The following CADM2 variants were observed in gnomAD, a reference collection of about 807,000 sequenced individuals.
The protein encoded by CADM2 is immunoglobulin superfamily member 4D.
Under a neutral mutation model 49.8 loss-of-function variants are expected in CADM2, and 12 were observed. That is an observed-to-expected ratio of 0.24 (90% CI 0.15 to 0.39). The LOEUF is 0.39. Ranked by LOEUF, CADM2 falls within the 10% of genes least tolerant of loss-of-function variation. The pLI is 1.00. For synonymous variants in CADM2, 214 were observed against 175.4 expected, an observed-to-expected ratio of 1.22 and a Z score of -1.74; for missense variants, 378 against 492.3, an observed-to-expected ratio of 0.77 and a Z score of 2.20.
At chr3:85,388,337 T>C (rs986944696) in intron 1 of CADM2, among the ~76,000 whole-genome samples, 13 of 152,206 alleles carry the variant, frequency 8.5e-5, no homozygotes, top group African/African-American at 2.9e-4. Context: ...ATTAATTGTT[T>C]GGCCTGGGAT....
At chr3:85,194,585 G>A (rs2041292758) in intron 1 of CADM2, among the ~76,000 whole-genome samples, 1 of 151,968 alleles carries the variant, frequency 6.6e-6, no homozygotes, top group Admixed American at 6.6e-5. Flanking sequence ...GGAAAGACGT[G>A]AATAAAGAAT....
intron 1 of CADM2, among the ~76,000 whole-genome samples, chr3:85,451,541 G>A (rs945539863): frequency 6.6e-6 from 1 of 151,990 alleles, no homozygotes; most frequent in African/African-American, 2.4e-5. Context: ...TTTCCCTTAA[G>A]ATATTGGGAT....
chr3:85,394,352 T>C (rs1299195316), intron 1 of CADM2, among the ~76,000 whole-genome samples: 1 of 152,194 alleles, frequency 6.6e-6, no homozygotes, highest in Non-Finnish European at 1.5e-5. Context: ...TATGGGCTCC[T>C]GTTTCCATAA....
intron 1 of CADM2, among the ~76,000 whole-genome samples, chr3:85,681,106 C>T (rs1417838725): frequency 6.6e-6 from 1 of 152,084 alleles, no homozygotes; most frequent in Non-Finnish European, 1.5e-5. Context: ...CTCAGCATGT[C>T]ATGAAAAATT....
chr3:85,436,194 G>T (rs1300910419), intron 1 of CADM2, among the ~76,000 whole-genome samples: 1 of 152,054 alleles, frequency 6.6e-6, no homozygotes. Context: ...ATGGTGAATG[G>T]GAGTTCACTC....
chr3:85,446,609 T>TG (rs570109498), intron 1 of CADM2, among the ~76,000 whole-genome samples: 314 of 150,104 alleles, frequency 2.1e-3, no homozygotes, highest in Non-Finnish European at 3.5e-3. Context: ...TTTTTGTTTT[T>TG]TTTTTTTTTT....
chr3:86,019,850 C>A (rs1732879670), intron 8 of CADM2, among the ~76,000 whole-genome samples: 1 of 152,078 alleles, frequency 6.6e-6, no homozygotes, highest in African/African-American at 2.4e-5. Context: ...TTCCTCTTCT[C>A]CTAATTGAAT....
chr3:85,524,173 G>C (rs1464789938), intron 1 of CADM2, among the ~76,000 whole-genome samples: 1 of 151,980 alleles, frequency 6.6e-6, no homozygotes, highest in Non-Finnish European at 1.5e-5. Flanking sequence ...TTCCCAAAGA[G>C]GCAGCTTTTT....
intron 1 of CADM2, among the ~76,000 whole-genome samples, chr3:85,513,911 C>A (rs62250755): frequency 0.31 from 46,522 of 151,774 alleles, 8,119 homozygotes; most frequent in East Asian, 0.55. Context: ...ATGATATAAA[C>A]CCTTACCAGA....
intron 1 of CADM2, among the ~76,000 whole-genome samples, chr3:85,715,858 G>T (rs1005430189): frequency 6.6e-6 from 1 of 152,150 alleles, no homozygotes; most frequent in Non-Finnish European, 1.5e-5. Flanking sequence ...TAGCTGCATA[G>T]TATTCCATGG....
At chr3:85,954,839 T>G (rs1422907284) in intron 7 of CADM2, among the ~76,000 whole-genome samples, 1 of 151,314 alleles carries the variant, frequency 6.6e-6, no homozygotes, top group South Asian at 2.1e-4. Flanking sequence ...AATTTCTTAA[T>G]CAAAAAGTCT....
chr3:84,986,889 T>C (rs2032597530), intron 1 of CADM2, among the ~76,000 whole-genome samples: 1 of 151,390 alleles, frequency 6.6e-6, no homozygotes, highest in Non-Finnish European at 1.5e-5. Context: ...CCGTCTCTAC[T>C]AAAAATACAA....
chr3:86,016,939 TGAAC>T (rs1447397940), intron 8 of CADM2, among the ~76,000 whole-genome samples: 1 of 152,048 alleles, frequency 6.6e-6, no homozygotes, highest in East Asian at 1.9e-4. Context: ...TTTAAAAATC[TGAAC>T]TTTGAGAATA....
chr3:84,991,660 A>G (rs1040766504), intron 1 of CADM2, among the ~76,000 whole-genome samples: 1 of 152,212 alleles, frequency 6.6e-6, no homozygotes, highest in Non-Finnish European at 1.5e-5. Context: ...ATGTTTTCCC[A>G]AAGGAGCTGA....
chr3:85,212,878 CT>C (rs917854912), intron 1 of CADM2, among the ~76,000 whole-genome samples: 1 of 119,460 alleles, frequency 8.4e-6, no homozygotes, highest in Non-Finnish European at 1.6e-5. Flanking sequence ...TTCTTTCTTT[CT>C]TTCTTTCTCT....
chr3:86,040,702 C>A (rs574236518), intron 8 of CADM2, among the ~76,000 whole-genome samples: 1 of 152,116 alleles, frequency 6.6e-6, no homozygotes, highest in African/African-American at 2.4e-5. Flanking sequence ...GCAAGACAGG[C>A]CAACATTCAG....
intron 1 of CADM2, among the ~76,000 whole-genome samples, chr3:85,547,277 G>T (rs985479747): frequency 1.3e-5 from 2 of 152,050 alleles, no homozygotes; most frequent in South Asian, 4.1e-4. Context: ...GGAAATTTGG[G>T]CATGGCGATT....
chr3:85,307,406 T>G (rs1156858218), intron 1 of CADM2, among the ~76,000 whole-genome samples: 3 of 151,724 alleles, frequency 2.0e-5, no homozygotes, highest in African/African-American at 4.8e-5. Flanking sequence ...AATTATTTGT[T>G]TCTTGATCCC....
intron 1 of CADM2, among the ~76,000 whole-genome samples, chr3:85,308,435 T>G (rs1007901180): frequency 6.6e-6 from 1 of 151,908 alleles, no homozygotes; most frequent in Non-Finnish European, 1.5e-5. Flanking sequence ...AATAGGAATT[T>G]ATTCGAAATT....
Sources: allele counts gnomAD v4.1 joint callset (sites outside exome capture counted in the v4.1 genomes callset), GRCh38; gene constraint gnomAD v4.1.1; transcripts MANE v1.5; gene names NCBI Gene and HGNC (gene_info 2026-07-23, HGNC 2026-07-21).